The following SORCS1 variants were observed in gnomAD, a reference collection of about 807,000 sequenced individuals.
The protein encoded by SORCS1 is VPS10 domain-containing receptor SorCS1.
In SORCS1, 60 loss-of-function variants were observed where a neutral mutation model predicts 146.1. That is an observed-to-expected ratio of 0.41 (90% confidence interval 0.33 to 0.51). SORCS1 has a LOEUF of 0.51. Ranked by LOEUF, SORCS1 falls within the 20% of genes least tolerant of loss-of-function variation. The probability of loss-of-function intolerance (pLI) is 0.21; values close to 1 mark genes in which losing one functional copy is unlikely to be tolerated. For missense variants in SORCS1, 1,352 were observed against 1,487.6 expected, an observed-to-expected ratio of 0.91 and a Z score of 1.50; for synonymous variants, 637 against 584.0, an observed-to-expected ratio of 1.09 and a Z score of -1.31.
chr10:106,972,843 A>G (rs1955847119), intron 1 of SORCS1, among the ~76,000 whole-genome samples: 1 of 152,180 alleles, frequency 6.6e-6, no homozygotes, highest in Non-Finnish European at 1.5e-5. Flanking sequence ...CATTTAATCC[A>G]TTCTATAGCA....
chr10:106,855,574 G>A (rs1589561981), intron 2 of SORCS1, among the ~76,000 whole-genome samples: 1 of 151,918 alleles, frequency 6.6e-6, no homozygotes, highest in Non-Finnish European at 1.5e-5. Flanking sequence ...TTTGCACTTC[G>A]ATGGTCTTTT....
At position 107,162,356 on chromosome 10, in the gene SORCS1, C is replaced by A. The variant is rs117689119; in HGVS notation, c.558+1613G>T. Among the ~76,000 whole-genome samples, 566 of 152,290 alleles carry A rather than the reference C, an allele frequency of 3.7e-3. 5 individuals carry two copies. Among genetic ancestry groups the A allele is most frequent in the Non-Finnish European group, 5.0e-3 (339 of 68,016 alleles). ...AAAGCCAGAAGCTTTGAGTTAATCA[C>A]TTAAAGCAGTGTGAAAGTTATTCAA... On this transcript the variant is annotated intron_variant, in intron 1 of 25. Transcript: ENST00000263054.
intron 2 of SORCS1, among the ~76,000 whole-genome samples, chr10:106,932,426 A>T (rs1953467784): frequency 6.6e-6 from 1 of 152,022 alleles, no homozygotes; most frequent in Non-Finnish European, 1.5e-5. Context: ...TGGAATCTTA[A>T]GTTGTTATTT....
intron 1 of SORCS1, among the ~76,000 whole-genome samples, chr10:107,004,175 CAAAAAAA>C (rs1190654041): frequency 8.1e-5 from 4 of 49,574 alleles, no homozygotes; most frequent in South Asian, 1.9e-3. Context: ...GATCCCATCT[CAAAAAAA>C]AAAAAAAAAA....
intron 3 of SORCS1, among the ~76,000 whole-genome samples, chr10:106,817,762 C>A (rs1481941377): frequency 6.6e-6 from 1 of 152,150 alleles, no homozygotes; most frequent in Non-Finnish European, 1.5e-5. Context: ...GAGCTCTCTG[C>A]AGACAGGGCC....
chr10:106,728,997 C>T lies in SORCS1; in HGVS notation c.1024+1053G>A, dbSNP rs1856405888. ...CCCCCTTTTCTCATTTTCTTTTACCCCCTCACCTGGAGTGCTCTATCCTAG... is the reference window on the plus strand; with the variant it reads ...CCCCCTTTTCTCATTTTCTTTTACCTCCTCACCTGGAGTGCTCTATCCTAG... On this transcript the variant is annotated intron_variant, in intron 6 of 25. Transcript: ENST00000263054. Among the ~76,000 whole-genome samples, 4 of 152,128 alleles carry T rather than the reference C, an allele frequency of 2.6e-5. No individual in the cohort carries two copies. In the South Asian group the frequency reaches 8.3e-4, roughly 32 times the overall value.
At chr10:107,149,616 G>A (rs775246121) in intron 1 of SORCS1, among the ~76,000 whole-genome samples, 4 of 152,206 alleles carry the variant, frequency 2.6e-5, no homozygotes, top group Non-Finnish European at 4.4e-5. Context: ...GTACGTGCAC[G>A]TGCATGCGCA....
intron 1 of SORCS1, among the ~76,000 whole-genome samples, chr10:106,977,877 CA>C (rs1188996799): frequency 6.6e-6 from 1 of 152,190 alleles, no homozygotes; most frequent in African/African-American, 2.4e-5. Context: ...TGTTGAACTG[CA>C]AATTGCTTTG....
intron 2 of SORCS1, among the ~76,000 whole-genome samples, chr10:106,886,647 A>T (rs1028965869): frequency 1.3e-5 from 2 of 152,200 alleles, no homozygotes; most frequent in Admixed American, 1.3e-4. Context: ...CTGAATACCT[A>T]CTCTGCAGGT....
chr10:107,022,771 C>A (rs927005678), intron 1 of SORCS1, among the ~76,000 whole-genome samples: 3 of 152,168 alleles, frequency 2.0e-5, no homozygotes, highest in Non-Finnish European at 4.4e-5. Flanking sequence ...AACAACACAG[C>A]AGTGGTTCAG....
chr10:107,093,771 C>T (rs1280006583), intron 1 of SORCS1, among the ~76,000 whole-genome samples: 6 of 152,128 alleles, frequency 3.9e-5, no homozygotes, highest in Non-Finnish European at 8.8e-5. Flanking sequence ...ATGGAGAAGC[C>T]TTACACAATC....
At chr10:106,943,043 C>T (rs1954133526) in intron 2 of SORCS1, among the ~76,000 whole-genome samples, 1 of 152,178 alleles carries the variant, frequency 6.6e-6, no homozygotes, top group Non-Finnish European at 1.5e-5. Context: ...TGCTCATCCA[C>T]TAGTCAGAGG....
chr10:107,071,141 G>C (rs987141671), intron 1 of SORCS1, among the ~76,000 whole-genome samples: 8 of 152,150 alleles, frequency 5.3e-5, no homozygotes, highest in African/African-American at 1.2e-4. Context: ...TGCCAAAAGA[G>C]GGAGCATGGA....
intron 24 of SORCS1, among the ~76,000 whole-genome samples, chr10:106,593,002 A>C (rs370157254): frequency 6.6e-6 from 1 of 151,816 alleles, no homozygotes; most frequent in Non-Finnish European, 1.5e-5. Context: ...TTAGCCGGGC[A>C]TGGTGGCATG....
intron 1 of SORCS1, among the ~76,000 whole-genome samples, chr10:107,151,806 T>A (rs1231787093): frequency 6.6e-6 from 1 of 152,122 alleles, no homozygotes; most frequent in African/African-American, 2.4e-5. Flanking sequence ...TGGAAGAAAT[T>A]TCTAAGTGGC....
Position 106,795,291 on chromosome 10 carries a change from G to T in SORCS1, c.727-18599C>A, listed in dbSNP as rs374411094. ...AGATATAATCTAGTTGTTTTTTTTT[G>T]TTTGTTTTTTGTTTTTTGCCCAGGA... On this transcript the variant is annotated intron_variant, in intron 3 of 25. Coordinates refer to ENST00000263054, the MANE Select transcript of SORCS1 (RefSeq NM_052918.5). 2.9e-3 allele frequency among the ~76,000 whole-genome samples: 426 copies of T among 149,124 alleles called. 4 individuals carry two copies. The highest frequency in any genetic ancestry group is 0.01 in the African/African-American group (408 of 39,160).
intron 2 of SORCS1, among the ~76,000 whole-genome samples, chr10:106,832,539 C>T (rs1450499404): frequency 6.6e-6 from 1 of 152,038 alleles, no homozygotes; most frequent in African/African-American, 2.4e-5. Context: ...ATCTTAACCT[C>T]CTGAGTCAAC....
intron 2 of SORCS1, among the ~76,000 whole-genome samples, chr10:106,889,796 A>T (rs1361710109): frequency 1.3e-5 from 2 of 150,436 alleles, no homozygotes; most frequent in East Asian, 3.9e-4. Flanking sequence ...GAGGCAGCAG[A>T]ATAGCGTGAA....
chr10:106,690,900 C>A (rs1564862306), intron 9 of SORCS1, among the ~76,000 whole-genome samples: 1 of 152,138 alleles, frequency 6.6e-6, no homozygotes, highest in Admixed American at 6.5e-5. Context: ...TAGGCACGCA[C>A]AAGCCACCTT....
Sources: gnomAD v4.1 joint callset for allele counts (sites outside exome capture counted in the v4.1 genomes callset) on GRCh38, gnomAD v4.1.1 for gene constraint, MANE v1.5 for transcripts, NCBI Gene and HGNC (gene_info 2026-07-23, HGNC 2026-07-21) for gene names.